Variants in SNTG1 observed in about 807,000 individuals in gnomAD.
SNTG1 encodes syntrophin gamma 1.
A neutral mutation model predicts 74.7 loss-of-function variants in SNTG1; 39 were observed. The observed-to-expected ratio is 0.52, with a 90% confidence interval of 0.40 to 0.68. The LOEUF is 0.68. SNTG1 is among the 30% of genes least tolerant of loss of function. The pLI is 0.00. For synonymous variants in SNTG1, 254 were observed against 217.1 expected, an observed-to-expected ratio of 1.17 and a Z score of -1.49; for missense variants, 685 against 609.5, an observed-to-expected ratio of 1.12 and a Z score of -1.30.
intron 2 of SNTG1, among the ~76,000 whole-genome samples, chr8:50,218,559 T>C (rs1160541055): frequency 6.6e-6 from 1 of 152,154 alleles, no homozygotes; most frequent in Non-Finnish European, 1.5e-5. Context: ...TTCTATGTTT[T>C]TTTTTCAGTA....
chr8:50,619,709 C>G (rs1440739431), intron 13 of SNTG1, among the ~76,000 whole-genome samples: 4 of 138,702 alleles, frequency 2.9e-5, no homozygotes, highest in Non-Finnish European at 4.5e-5. Flanking sequence ...GCAGCCTGGG[C>G]GACAGAGCGA....
chr8:50,495,296 C>G (rs1292491350), intron 8 of SNTG1, among the ~76,000 whole-genome samples: 1 of 151,902 alleles, frequency 6.6e-6, no homozygotes, highest in Admixed American at 6.6e-5. Context: ...TGAATACATA[C>G]AATGCCTCCC....
At position 50,385,949 on chromosome 8, in the gene SNTG1, C is replaced by A. The variant is rs75669555; in HGVS notation, c.-27-8263C>A. Reference sequence around the variant, plus strand: ...AATTGGGATATAGTGGGAATCACTTCTCCTGAAACTTTTGAGTCCTCGATG... The same window carrying A: ...AATTGGGATATAGTGGGAATCACTTATCCTGAAACTTTTGAGTCCTCGATG... On this transcript the variant is annotated intron_variant, in intron 2 of 18. Transcript: ENST00000642720. Among the ~76,000 whole-genome samples the A allele has an allele frequency of 9.4e-3, 1,424 of 152,282 alleles. 28 individuals carry two copies. The highest frequency in any genetic ancestry group is 0.032 in the African/African-American group (1,350 of 41,550).
At chr8:50,557,995 C>G (rs1334229264) in intron 12 of SNTG1, among the ~76,000 whole-genome samples, 1 of 152,102 alleles carries the variant, frequency 6.6e-6, no homozygotes, top group Non-Finnish European at 1.5e-5. Flanking sequence ...AGTGGGAGTT[C>G]CCCACTCTTA....
At chr8:49,985,697 ACT>A (rs1813090843) in intron 1 of SNTG1, among the ~76,000 whole-genome samples, 1 of 152,196 alleles carries the variant, frequency 6.6e-6, no homozygotes, top group Non-Finnish European at 1.5e-5. Flanking sequence ...CAAATTCACT[ACT>A]GCAAATAACT....
chr8:50,395,374 A>T lies in SNTG1; in HGVS notation c.27+1109A>T, dbSNP rs79618187. Among the ~76,000 whole-genome samples, 84 of 152,200 alleles carry T rather than the reference A, an allele frequency of 5.5e-4. No individual in the cohort carries two copies. The East Asian group carries it at 0.013, about 24-fold the overall frequency. On this transcript the variant is annotated intron_variant, in intron 3 of 18. Transcript: ENST00000642720. Reference sequence around the variant, plus strand: ...TTTACAAACCTTTCTCATGTGCTACACTGAATACTATAAGGTCAGAGTGTG... The same window carrying T: ...TTTACAAACCTTTCTCATGTGCTACTCTGAATACTATAAGGTCAGAGTGTG...
Position 50,013,490 on chromosome 8 carries a change from G to GATAA in SNTG1, c.-103+101262_-103+101263insAATA, listed in dbSNP as rs1281447578. The stretch of plus-strand genomic sequence containing the variant: ...AGATAGATAGATAGATAGATAGATA[G>GATAA]ATAGATAGATAGATAGAGATATATA... On this transcript the variant is annotated intron_variant, in intron 1 of 18. Coordinates refer to ENST00000642720, the MANE Select transcript of SNTG1 (RefSeq NM_018967.5). Among the ~76,000 whole-genome samples the GATAA allele has an allele frequency of 9.9e-5, 15 of 151,490 alleles. 1 individual carries two copies. The South Asian group carries it at 1.5e-3, about 15-fold the overall frequency.
intron 12 of SNTG1, among the ~76,000 whole-genome samples, chr8:50,553,697 G>A (rs1048153436): frequency 6.6e-6 from 1 of 152,072 alleles, no homozygotes; most frequent in East Asian, 1.9e-4. Flanking sequence ...TACAACCGTT[G>A]CTTCCTTCCA....
intron 1 of SNTG1, among the ~76,000 whole-genome samples, chr8:49,985,362 C>T (rs989552442): frequency 3.3e-5 from 5 of 152,000 alleles, no homozygotes; most frequent in African/African-American, 1.2e-4. Context: ...AACTCCTGAC[C>T]TAAAATGATC....
chr8:50,050,293 A>G (rs1238699688), intron 1 of SNTG1, among the ~76,000 whole-genome samples: 2 of 151,922 alleles, frequency 1.3e-5, no homozygotes, highest in Non-Finnish European at 2.9e-5. Flanking sequence ...ATGGACATTC[A>G]TAGAGTAGTA....
chr8:50,052,221 T>A (rs1434536238), intron 1 of SNTG1, among the ~76,000 whole-genome samples: 4 of 152,092 alleles, frequency 2.6e-5, no homozygotes, highest in Non-Finnish European at 4.4e-5. Context: ...AATATAAAGA[T>A]ACACATGTAA....
intron 1 of SNTG1, among the ~76,000 whole-genome samples, chr8:50,065,567 C>A (rs1471474018): frequency 6.6e-6 from 1 of 152,044 alleles, no homozygotes; most frequent in Non-Finnish European, 1.5e-5. Context: ...GCTTTTATTG[C>A]ATCTTATAGA....
At chr8:50,554,148 C>A (rs2094442357) in intron 12 of SNTG1, among the ~76,000 whole-genome samples, 1 of 152,178 alleles carries the variant, frequency 6.6e-6, no homozygotes, top group South Asian at 2.1e-4. Context: ...GGCCACTATA[C>A]CTTTCTAAAA....
At position 50,161,018 on chromosome 8, in the gene SNTG1, T is replaced by C. The variant is rs150721219; in HGVS notation, c.-102-11543T>C. 1.6e-4 allele frequency among the ~76,000 whole-genome samples: 24 copies of C among 152,306 alleles called. No individual in the cohort carries two copies. In the East Asian group the frequency reaches 4.6e-3, roughly 29 times the overall value. On this transcript the variant is annotated intron_variant, in intron 1 of 18. Coordinates refer to ENST00000642720, the MANE Select transcript of SNTG1 (RefSeq NM_018967.5). ...CATATTTAGAGAATGGCAATGACTT[T>C]GGAATAGTAAAATAGAGAAGATGAT...
At chr8:50,204,427 G>T (rs2084116387) in intron 2 of SNTG1, among the ~76,000 whole-genome samples, 1 of 151,808 alleles carries the variant, frequency 6.6e-6, no homozygotes, top group African/African-American at 2.4e-5. Flanking sequence ...TCTGTACCTT[G>T]CCAGACAATA....
intron 18 of SNTG1, among the ~76,000 whole-genome samples, chr8:50,778,606 C>G (rs1396145785): frequency 1.3e-5 from 2 of 151,452 alleles, no homozygotes; most frequent in African/African-American, 4.9e-5. Flanking sequence ...GATATTAGCC[C>G]TCTGTCAGAT....
intron 2 of SNTG1, among the ~76,000 whole-genome samples, chr8:50,196,851 G>A (rs573693136): frequency 4.9e-4 from 74 of 151,616 alleles, no homozygotes; most frequent in African/African-American, 1.7e-3. Flanking sequence ...GCATAGTGAT[G>A]TGCACCTGTA....
intron 2 of SNTG1, among the ~76,000 whole-genome samples, chr8:50,314,951 C>A (rs1257363563): frequency 2.0e-5 from 3 of 149,386 alleles, no homozygotes; most frequent in African/African-American, 7.5e-5. Flanking sequence ...TTTTACGCCC[C>A]TTATGGTACT....
At chr8:50,570,707 C>T (rs771185782) in intron 12 of SNTG1, among the ~76,000 whole-genome samples, 5 of 151,452 alleles carry the variant, frequency 3.3e-5, no homozygotes, top group Non-Finnish European at 5.9e-5. Context: ...CAGGTTCAAG[C>T]GATTCTTCTG....
Sources: allele counts gnomAD v4.1 joint callset (sites outside exome capture counted in the v4.1 genomes callset), GRCh38; gene constraint gnomAD v4.1.1; transcripts MANE v1.5; gene names NCBI Gene and HGNC (gene_info 2026-07-23, HGNC 2026-07-21).